PHTF2: variants seen among roughly 807,000 people sequenced by gnomAD.
PHTF2 encodes protein PHTF2.
A neutral mutation model predicts 101.2 loss-of-function variants in PHTF2; 60 were observed. That is an observed-to-expected ratio of 0.59 (90% CI 0.48 to 0.73). The LOEUF (loss-of-function observed/expected upper bound fraction) is 0.73. Ranked by LOEUF, PHTF2 falls within the 30% of genes least tolerant of loss-of-function variation. The probability of loss-of-function intolerance (pLI) is 0.00; values close to 1 mark genes in which losing one functional copy is unlikely to be tolerated. For missense variants in PHTF2, 747 were observed against 908.7 expected (o/e 0.82, Z 2.29); for synonymous variants, 311 against 307.3 (o/e 1.01, Z -0.13).
intron 1 of PHTF2, among the ~76,000 whole-genome samples, chr7:77,810,299 A>G (rs1453080776): frequency 6.6e-6 from 1 of 152,170 alleles, no homozygotes; most frequent in Non-Finnish European, 1.5e-5. Context: ...AGACAGCACA[A>G]TTATCAAAAT....
chr7:77,845,771 T>C lies in PHTF2; in HGVS notation c.45+5471T>C, dbSNP rs771208501. ...GTCTCAGCTTTCAACTCCAAAACCA[T>C]GTGCAGTCATTTAATATTATCCTTC... is the stretch of plus-strand genomic sequence containing the variant. On this transcript the variant is annotated intron_variant, in intron 2 of 19. Coordinates refer to ENST00000416283, the Ensembl canonical transcript of PHTF2. Among the ~76,000 whole-genome samples the C allele has an allele frequency of 6.4e-4, 97 of 152,282 alleles. 1 individual carries two copies. Among genetic ancestry groups the C allele is most frequent in the Non-Finnish European group, 8.2e-4 (56 of 68,022 alleles).
chr7:77,833,128 G>A (rs1324843212), intron 1 of PHTF2, among the ~76,000 whole-genome samples: 1 of 152,144 alleles, frequency 6.6e-6, no homozygotes, highest in Non-Finnish European at 1.5e-5. Flanking sequence ...TACTCTAAGG[G>A]GAACACAGAA....
At chr7:77,927,465 A>T (rs893744496) in intron 11 of PHTF2, among the ~76,000 whole-genome samples, 6 of 151,436 alleles carry the variant, frequency 4.0e-5, no homozygotes, top group African/African-American at 1.5e-4. Context: ...TCGCAGTGGC[A>T]TGTGTCTGTA....
chr7:77,892,602 A>G (rs746849375), intron 3 of PHTF2, among the ~76,000 whole-genome samples: 20 of 152,328 alleles, frequency 1.3e-4, no homozygotes, highest in Non-Finnish European at 2.2e-4. Flanking sequence ...AATTAATGCA[A>G]ATAATGAAAA....
chr7:77,855,827 C>G (rs1797133333), intron 3 of PHTF2, among the ~76,000 whole-genome samples: 1 of 152,224 alleles, frequency 6.6e-6, no homozygotes, highest in Non-Finnish European at 1.5e-5. Context: ...TTGATATACT[C>G]TGTCCACACC....
intron 19 of PHTF2, 125 bp from the exon 19 acceptor site, chr7:77,954,733 G>A: frequency 1.8e-6 from 1 of 553,942 alleles, no homozygotes; most frequent in Non-Finnish European, 3.2e-6. Flanking sequence ...GGATAAAGGA[G>A]TTAAAATATT....
chr7:77,940,769 C>A, intron 15 of PHTF2, 110 bp downstream of exon 14: 2 of 697,214 alleles, frequency 2.9e-6, no homozygotes, highest in Non-Finnish European at 4.4e-6. Flanking sequence ...AGCTTTTACT[C>A]ATTCAAAAAC....
intron 7 of PHTF2, among the ~76,000 whole-genome samples, chr7:77,908,475 T>A (rs544647859): frequency 3.2e-4 from 49 of 152,334 alleles, no homozygotes; most frequent in African/African-American, 1.1e-3. Flanking sequence ...GAGGTTAGGG[T>A]AGTTCTTTGA....
chr7:77,807,540 T>G (rs1327021038), intron 1 of PHTF2, among the ~76,000 whole-genome samples: 1 of 152,208 alleles, frequency 6.6e-6, no homozygotes, highest in Non-Finnish European at 1.5e-5. Context: ...CATTTTAAAA[T>G]CAGGTTATTT....
intron 2 of PHTF2, among the ~76,000 whole-genome samples, chr7:77,840,977 T>G (rs1795820136): frequency 6.6e-6 from 1 of 151,924 alleles, no homozygotes; most frequent in African/African-American, 2.4e-5. Context: ...ATATTTGTGT[T>G]CACATTTTAA....
intron 1 of PHTF2, among the ~76,000 whole-genome samples, chr7:77,813,120 T>G (rs1793579458): frequency 6.6e-6 from 1 of 152,194 alleles, no homozygotes; most frequent in Admixed American, 6.5e-5. Context: ...CATTTTATCC[T>G]TTGAGTTACA....
intron 16 of PHTF2, among the ~76,000 whole-genome samples, chr7:77,945,533 G>A (rs190155176): frequency 3.3e-5 from 5 of 149,396 alleles, no homozygotes; most frequent in Admixed American, 2.0e-4. Flanking sequence ...TCTGGCTGTC[G>A]TATAGTCAAA....
At chr7:77,865,760 C>T (rs76624037) in intron 3 of PHTF2, among the ~76,000 whole-genome samples, 23,531 of 152,064 alleles carry the variant, frequency 0.15, 2,543 homozygotes, top group African/African-American at 0.3. Context: ...TATTAAACTT[C>T]TAATTTATAT....
intron 1 of PHTF2, among the ~76,000 whole-genome samples, chr7:77,812,268 A>G (rs1793501158): frequency 6.6e-6 from 1 of 152,256 alleles, no homozygotes; most frequent in East Asian, 1.9e-4. Context: ...GTGTTCACTT[A>G]GAGTATGTAA....
At chr7:77,899,335 A>C (rs1469520353) in intron 5 of PHTF2, among the ~76,000 whole-genome samples, 1 of 152,128 alleles carries the variant, frequency 6.6e-6, no homozygotes, top group Non-Finnish European at 1.5e-5. Flanking sequence ...AGCTGAGAAC[A>C]TGCACGTTGG....
intron 3 of PHTF2, among the ~76,000 whole-genome samples, chr7:77,870,616 T>C (rs1004090226): frequency 2.0e-5 from 3 of 152,274 alleles, no homozygotes; most frequent in Middle Eastern, 3.4e-3. Context: ...CTCAAATGTT[T>C]ATCTCCTTTG....
At chr7:77,922,890 A>C (rs1433929841) in intron 11 of PHTF2, 112 bp downstream of exon 10, 1 of 1,276,660 alleles carries the variant, frequency 7.8e-7, no homozygotes, top group African/African-American at 1.5e-5. Context: ...CATTATTATC[A>C]ATATTTATTA....
chr7:77,812,193 T>G (rs1244936676), intron 1 of PHTF2, among the ~76,000 whole-genome samples: 2 of 152,208 alleles, frequency 1.3e-5, no homozygotes, highest in Non-Finnish European at 2.9e-5. Flanking sequence ...GGAAAAAGAT[T>G]AATGACAACA....
At chr7:77,862,880 T>C (rs142909624) in intron 3 of PHTF2, among the ~76,000 whole-genome samples, 1 of 152,282 alleles carries the variant, frequency 6.6e-6, no homozygotes, top group African/African-American at 2.4e-5. Flanking sequence ...TGGGAGTGAC[T>C]AAAACACTGT....
Sources: allele counts gnomAD v4.1 joint callset (sites outside exome capture counted in the v4.1 genomes callset), GRCh38; gene constraint gnomAD v4.1.1; transcripts MANE v1.5; gene names NCBI Gene and HGNC (gene_info 2026-07-23, HGNC 2026-07-21).